Variants in LRRC7 observed in about 807,000 individuals in gnomAD.
The protein encoded by LRRC7 is leucine rich repeat containing 7.
LRRC7 carries 23 observed loss-of-function variants against 175.7 expected under a neutral mutation model. The ratio of observed to expected loss-of-function variants is 0.13; its 90% CI spans 0.09 to 0.19. The LOEUF is 0.19. LRRC7 is among the 10% of genes least tolerant of loss of function. The probability of loss-of-function intolerance (pLI) is 1.00; values close to 1 mark genes in which losing one functional copy is unlikely to be tolerated. For synonymous variants in LRRC7, 685 were observed against 680.9 expected (o/e 1.01, Z -0.09); for missense variants, 1,354 against 1,904.7 (o/e 0.71, Z 5.38).
intron 1 of LRRC7, among the ~76,000 whole-genome samples, chr1:69,602,003 T>C (rs1219233729): frequency 6.6e-6 from 1 of 152,166 alleles, no homozygotes; most frequent in Non-Finnish European, 1.5e-5. Flanking sequence ...ACTCCAACAA[T>C]GTATAAAACA....
In LRRC7 at chr1:70,050,082, A is replaced by G. The variant is rs61782634; in HGVS notation, c.4111-2944A>G. Among the ~76,000 whole-genome samples, 112 of 151,242 alleles carry G rather than the reference A, an allele frequency of 7.4e-4. 1 individual carries two copies. The highest frequency in any genetic ancestry group is 2.0e-3 in the Admixed American group (30 of 15,210). On this transcript the variant is annotated intron_variant, in intron 22 of 26. Transcript: ENST00000651989. ...CCATCTAAGCTTATTTAACTCACTTATGTGACTACTGTGCACACACATGTT... is the reference window on the plus strand; with the variant it reads ...CCATCTAAGCTTATTTAACTCACTTGTGTGACTACTGTGCACACACATGTT...
In LRRC7 at chr1:70,038,289, C is replaced by T. The variant is rs1208150547; in HGVS notation, c.2465C>T (p.Thr822Ile). 1.2e-6 allele frequency: 2 copies of T among 1,613,994 alleles called. No homozygotes were observed. Among genetic ancestry groups the T allele is most frequent in the African/African-American group, 2.7e-5 (2 of 74,908 alleles). Residue 822 changes from threonine to isoleucine, a missense_variant, in exon 21 of 27, where the codon ACC (threonine) becomes ATC (isoleucine). Transcript: ENST00000651989. ...YDNTGFVAEE[T>I]TAENANSNPL... Reference sequence around the variant, plus strand: ...AACACAGGGTTTGTTGCTGAGGAAACCACAGCCGAGAATGCCAACAGTAAT... The same window carrying T: ...AACACAGGGTTTGTTGCTGAGGAAATCACAGCCGAGAATGCCAACAGTAAT...
At chr1:69,958,328 G>C (rs1489488378) in intron 8 of LRRC7, among the ~76,000 whole-genome samples, 2 of 152,114 alleles carry the variant, frequency 1.3e-5, no homozygotes, top group African/African-American at 4.8e-5. Flanking sequence ...CCAAAATGGA[G>C]GTCATAAAGA....
chr1:70,044,474 C>A (rs185543930), intron 22 of LRRC7, among the ~76,000 whole-genome samples: 10 of 152,074 alleles, frequency 6.6e-5, no homozygotes, highest in African/African-American at 2.2e-4. Context: ...GTGATGCATT[C>A]TGAGAACAGA....
chr1:69,717,415 C>T (rs1251463776), intron 2 of LRRC7, among the ~76,000 whole-genome samples: 1 of 151,628 alleles, frequency 6.6e-6, no homozygotes, highest in Non-Finnish European at 1.5e-5. Context: ...ATAAATCTAT[C>T]ATATATTTAT....
chr1:69,605,575 A>T (rs1169739391), intron 1 of LRRC7, among the ~76,000 whole-genome samples: 4 of 152,176 alleles, frequency 2.6e-5, no homozygotes, highest in Non-Finnish European at 4.4e-5. Context: ...AGGGACATGC[A>T]ATGTATATAT....
chr1:69,875,947 G>A lies in LRRC7; in HGVS notation c.647+37664G>A, dbSNP rs78233956. Among the ~76,000 whole-genome samples, 603 of 152,146 alleles carry A rather than the reference G, an allele frequency of 4.0e-3. 3 individuals carry two copies. Among genetic ancestry groups the A allele is most frequent in the African/African-American group, 0.013 (557 of 41,546 alleles). ...CAGTATGTGGCTACCCATTCTGTAC[G>A]ATACAAATACCATACAACCCTTTCC... On this transcript the variant is annotated intron_variant, in intron 7 of 26. Coordinates refer to ENST00000651989, the MANE Select transcript of LRRC7 (RefSeq NM_001370785.2).
intron 10 of LRRC7, among the ~76,000 whole-genome samples, chr1:69,989,675 G>A (rs576459963): frequency 6.6e-6 from 1 of 151,906 alleles, no homozygotes; most frequent in South Asian, 2.1e-4. Context: ...AATAAATACA[G>A]AATTCCAGAA....
chr1:69,573,673 A>G (rs1645829081), intron 1 of LRRC7, among the ~76,000 whole-genome samples: 1 of 151,866 alleles, frequency 6.6e-6, no homozygotes, highest in South Asian at 2.1e-4. Flanking sequence ...TAGAAACATT[A>G]TCATTTGTCA....
At chr1:69,804,659 C>T (rs114415020) in intron 4 of LRRC7, among the ~76,000 whole-genome samples, 4,707 of 151,508 alleles carry the variant, frequency 0.031, 245 homozygotes, top group African/African-American at 0.11. Context: ...TTTTTGTTCC[C>T]TAATTATATG....
intron 1 of LRRC7, among the ~76,000 whole-genome samples, chr1:69,642,811 CATAGATAGATAGATAGATAGATAG>C (rs142950544): frequency 6.8e-6 from 1 of 147,176 alleles, no homozygotes; most frequent in South Asian, 2.2e-4. Context: ...ACAGATGATA[CATAGATAGATAGATAGATAGATAG>C]ATAGATAGAT....
chr1:69,696,135 C>T (rs1662551324), intron 2 of LRRC7, among the ~76,000 whole-genome samples: 1 of 152,214 alleles, frequency 6.6e-6, no homozygotes, highest in Non-Finnish European at 1.5e-5. Flanking sequence ...CCTGTAAGGG[C>T]ACCCACAGGA....
intron 2 of LRRC7, among the ~76,000 whole-genome samples, chr1:69,707,988 C>G (rs1361236549): frequency 6.6e-6 from 1 of 152,088 alleles, no homozygotes; most frequent in East Asian, 1.9e-4. Flanking sequence ...CTTGAGTATC[C>G]TTTATATACA....
chr1:69,721,094 A>G (rs897138825), intron 2 of LRRC7, among the ~76,000 whole-genome samples: 1 of 151,852 alleles, frequency 6.6e-6, no homozygotes, highest in African/African-American at 2.4e-5. Flanking sequence ...GATTAATTGC[A>G]AAACTTGAGC....
chr1:69,774,516 A>T (rs1008280201), intron 3 of LRRC7, among the ~76,000 whole-genome samples: 1 of 152,208 alleles, frequency 6.6e-6, no homozygotes, highest in Non-Finnish European at 1.5e-5. Context: ...TTGATGCTTA[A>T]TGAGTAGATT....
At chr1:69,661,914 A>G (rs1162775377) in intron 1 of LRRC7, among the ~76,000 whole-genome samples, 1 of 152,186 alleles carries the variant, frequency 6.6e-6, no homozygotes, top group African/African-American at 2.4e-5. Flanking sequence ...CTCCACACAC[A>G]TTTTTTATTC....
rs889881209 is a variant in LRRC7, at chr1:70,127,688, T to C, written c.*5801T>C. Among the ~76,000 whole-genome samples the C allele has an allele frequency of 3.3e-5, 5 of 152,228 alleles. No homozygotes were observed. On this transcript the variant is annotated 3_prime_UTR_variant, in exon 27 of 27. Transcript: ENST00000651989. ...CATGCAGAAATGAGAAGGATACCTCTGCAGCTCTGTCAATACTTCCACAAA... is the reference window on the plus strand; with the variant it reads ...CATGCAGAAATGAGAAGGATACCTCCGCAGCTCTGTCAATACTTCCACAAA...
At position 70,143,437 on chromosome 1, in the gene LRRC7, T is replaced by C. The variant is rs1359148657; in HGVS notation, c.*21550T>C. 1.3e-5 allele frequency: 2 copies of C among 152,152 alleles called. No homozygotes were observed. Among genetic ancestry groups the C allele is most frequent in the African/African-American group, 4.8e-5 (2 of 41,450 alleles). The allele number at this position is 152,152 out of a possible 1,614,324, so 9.4% of individuals were successfully genotyped here. ...TCTTTGTGAACCTTTTAATGTGCAA[T>C]AGTAAACATTGACATTTTACATAGA... On this transcript the variant is annotated 3_prime_UTR_variant, in exon 27 of 27. Transcript: ENST00000651989.
At chr1:69,795,364 G>A (rs1201718051) in intron 4 of LRRC7, among the ~76,000 whole-genome samples, 3 of 137,796 alleles carry the variant, frequency 2.2e-5, no homozygotes, top group African/African-American at 8.2e-5. Flanking sequence ...GACAGAGCAA[G>A]ACACCGTCTC....
Sources: gnomAD v4.1 joint callset for allele counts (sites outside exome capture counted in the v4.1 genomes callset) on GRCh38, gnomAD v4.1.1 for gene constraint, MANE v1.5 for transcripts, NCBI Gene and HGNC (gene_info 2026-07-23, HGNC 2026-07-21) for gene names.